The following WWOX variants were observed in gnomAD, a reference collection of about 807,000 sequenced individuals.
WWOX encodes the protein WW domain containing oxidoreductase, also known as WW domain-containing oxidoreductase.
A neutral mutation model predicts 46.2 loss-of-function variants in WWOX; 69 were observed. That is an observed-to-expected ratio of 1.49 (90% CI 1.23 to 1.82). WWOX has a LOEUF of 1.82. WWOX is among the 40% of genes most tolerant of loss of function. WWOX has a pLI of 0.00. For missense variants in WWOX, 919 were observed against 542.6 expected, an observed-to-expected ratio of 1.69 and a Z score of -6.89; for synonymous variants, 359 against 202.6, an observed-to-expected ratio of 1.77 and a Z score of -6.56.
intron 8 of WWOX, among the ~76,000 whole-genome samples, chr16:78,962,599 G>A (rs768336514): frequency 1.4e-4 from 21 of 152,162 alleles, no homozygotes; most frequent in Admixed American, 5.9e-4. Flanking sequence ...CCTGGCACAG[G>A]AAGAGGAGGG....
Position 78,327,945 on chromosome 16 carries a change from T to C in WWOX, c.517-58915T>C, listed in dbSNP as rs183137239. 2.7e-5 allele frequency among the ~76,000 whole-genome samples: 4 copies of C among 146,848 alleles called. No homozygotes were observed. The East Asian group carries it at 8.6e-4, about 32-fold the overall frequency. ...AGGCTGGAGTACAGTTGTACAATCT[T>C]GGCTCATGGCAACCTCAAACTTCTG... On this transcript the variant is annotated intron_variant, in intron 5 of 8. Transcript: ENST00000566780.
At chr16:78,336,148 A>T (rs1272205992) in intron 5 of WWOX, among the ~76,000 whole-genome samples, 1 of 151,954 alleles carries the variant, frequency 6.6e-6, no homozygotes, top group Non-Finnish European at 1.5e-5. Flanking sequence ...TACCCAGGTG[A>T]TGTTGATGCT....
At chr16:78,666,628 C>G (rs1442091441) in intron 8 of WWOX, among the ~76,000 whole-genome samples, 1 of 152,120 alleles carries the variant, frequency 6.6e-6, no homozygotes, top group Non-Finnish European at 1.5e-5. Flanking sequence ...AAAATGCAGA[C>G]AAAACAAGAT....
chr16:78,520,805 T>C (rs546404688), intron 8 of WWOX, among the ~76,000 whole-genome samples: 1 of 152,314 alleles, frequency 6.6e-6, no homozygotes, highest in East Asian at 1.9e-4. Flanking sequence ...ACTGATTTTC[T>C]GTTCGTGGCC....
intron 8 of WWOX, among the ~76,000 whole-genome samples, chr16:78,692,296 A>G (rs955193025): frequency 6.6e-5 from 10 of 152,212 alleles, no homozygotes; most frequent in Admixed American, 5.9e-4. Context: ...TTGTTTTCCA[A>G]TTCCTTTTGA....
chr16:78,348,426 G>C lies in WWOX; in HGVS notation c.517-38434G>C, dbSNP rs1475467469. 1.7e-5 allele frequency among the ~76,000 whole-genome samples: 2 copies of C among 121,150 alleles called. 1 individual carries two copies. Among genetic ancestry groups the C allele is most frequent in the Non-Finnish European group, 4.0e-5 (2 of 50,604 alleles). 79.5% of individuals were successfully genotyped at this position (121,150 alleles called of 152,430 possible). On this transcript the variant is annotated intron_variant, in intron 5 of 8. Coordinates refer to ENST00000566780, the MANE Select transcript of WWOX (RefSeq NM_016373.4). ...GGAATAGGAGAAAAAAGATCATAGA[G>C]CCAAAGAGCTCGATACATATACTGA...
At chr16:78,701,200 G>T (rs939051725) in intron 8 of WWOX, among the ~76,000 whole-genome samples, 2 of 152,110 alleles carry the variant, frequency 1.3e-5, no homozygotes, top group African/African-American at 4.8e-5. Context: ...GTGGGTATTT[G>T]CTGTGGTTAT....
intron 6 of WWOX, among the ~76,000 whole-genome samples, chr16:78,411,622 T>TG (rs2082682435): frequency 6.6e-6 from 1 of 152,158 alleles, no homozygotes; most frequent in African/African-American, 2.4e-5. Context: ...TAGGAACCAT[T>TG]AAAAGTTTTT....
intron 8 of WWOX, among the ~76,000 whole-genome samples, chr16:79,201,729 GT>G (rs5818211): frequency 6.6e-6 from 1 of 151,096 alleles, no homozygotes; most frequent in African/African-American, 2.4e-5. Flanking sequence ...CTTTTTTCCT[GT>G]TTTTTTTCAC....
intron 8 of WWOX, among the ~76,000 whole-genome samples, chr16:78,522,730 A>G (rs1023487762): frequency 1.3e-5 from 2 of 152,266 alleles, no homozygotes; most frequent in African/African-American, 4.8e-5. Flanking sequence ...AGGAGCTCTG[A>G]TGAGACTTGG....
intron 8 of WWOX, among the ~76,000 whole-genome samples, chr16:78,544,764 A>C (rs1325069949): frequency 1.3e-5 from 2 of 152,108 alleles, no homozygotes; most frequent in Admixed American, 6.5e-5. Context: ...GGTTCCAGCT[A>C]CTCAGGAGAC....
At chr16:78,502,320 C>G (rs985933679) in intron 8 of WWOX, among the ~76,000 whole-genome samples, 3 of 152,130 alleles carry the variant, frequency 2.0e-5, no homozygotes, top group Admixed American at 2.0e-4. Context: ...GAAAATGACC[C>G]CTTAGTCATC....
At chr16:78,839,235 C>G (rs570849270) in intron 8 of WWOX, among the ~76,000 whole-genome samples, 1 of 152,144 alleles carries the variant, frequency 6.6e-6, no homozygotes, top group Non-Finnish European at 1.5e-5. Context: ...GAGTCACCTG[C>G]TCTATTTTGA....
chr16:79,077,545 C>G (rs2048680904), intron 8 of WWOX: 1 of 151,942 alleles, frequency 6.6e-6, no homozygotes, highest in African/African-American at 2.4e-5. Context: ...GTTTGTGAGG[C>G]TCATTGCTTA....
chr16:78,437,026 G>T (rs1282179550), intron 8 of WWOX, among the ~76,000 whole-genome samples: 1 of 152,196 alleles, frequency 6.6e-6, no homozygotes, highest in African/African-American at 2.4e-5. Flanking sequence ...TGGCTAGTGT[G>T]CTCTGCCTTG....
At chr16:79,048,993 G>A (rs1341441706) in intron 8 of WWOX, among the ~76,000 whole-genome samples, 2 of 152,150 alleles carry the variant, frequency 1.3e-5, no homozygotes, top group South Asian at 2.1e-4. Flanking sequence ...GGACAAATAT[G>A]CAATGAGAAT....
intron 8 of WWOX, among the ~76,000 whole-genome samples, chr16:79,106,418 A>T (rs1188034664): frequency 1.3e-5 from 2 of 151,982 alleles, no homozygotes; most frequent in Non-Finnish European, 2.9e-5. Flanking sequence ...TCTAAATTCT[A>T]CTGACTTAAT....
chr16:79,180,776 T>G (rs2050895835), intron 8 of WWOX, among the ~76,000 whole-genome samples: 1 of 152,142 alleles, frequency 6.6e-6, no homozygotes, highest in African/African-American at 2.4e-5. Context: ...CATCCATTCA[T>G]CAATCCATTT....
At chr16:78,460,892 C>T (rs988084944) in intron 8 of WWOX, among the ~76,000 whole-genome samples, 1 of 152,216 alleles carries the variant, frequency 6.6e-6, no homozygotes, top group African/African-American at 2.4e-5. Context: ...AAAGTGTTTT[C>T]TCTGGAGAAT....
Sources: gnomAD v4.1 joint callset for allele counts (sites outside exome capture counted in the v4.1 genomes callset) on GRCh38, gnomAD v4.1.1 for gene constraint, MANE v1.5 for transcripts, NCBI Gene and HGNC (gene_info 2026-07-23, HGNC 2026-07-21) for gene names.